Variants in JAKMIP3 observed in about 807,000 individuals in gnomAD.
The protein encoded by JAKMIP3 is Janus kinase and microtubule interacting protein 3.
JAKMIP3 carries 58 observed loss-of-function variants against 118.5 expected under a neutral mutation model. The observed-to-expected ratio is 0.49, with a 90% CI of 0.40 to 0.61. The LOEUF is 0.61. JAKMIP3 is among the 20% of genes least tolerant of loss of function. JAKMIP3 has a pLI of 0.00. For synonymous variants in JAKMIP3, 486 were observed against 451.2 expected, an observed-to-expected ratio of 1.08 and a Z score of -0.98; for missense variants, 950 against 1,109.0, an observed-to-expected ratio of 0.86 and a Z score of 2.04.
At chr10:132,156,534 G>A (rs1057369971) in intron 19 of JAKMIP3, among the ~76,000 whole-genome samples, 18 of 152,100 alleles carry the variant, frequency 1.2e-4, no homozygotes, top group South Asian at 2.1e-4. Flanking sequence ...TGCCTGGGGC[G>A]CCCTCCCTTT....
At chr10:132,108,727 G>GGAC (rs1407929725) in intron 2 of JAKMIP3, among the ~76,000 whole-genome samples, 2 of 151,900 alleles carry the variant, frequency 1.3e-5, no homozygotes, top group Non-Finnish European at 2.9e-5. Context: ...TCAATGCCAG[G>GGAC]TGCAGTGGTT....
At chr10:132,180,568 CGTGTGTGT>C (rs1211647270) in intron 23 of JAKMIP3, among the ~76,000 whole-genome samples, 6 of 22,314 alleles carry the variant, frequency 2.7e-4, no homozygotes, top group Admixed American at 2.1e-3. Context: ...CGTGTGTGTG[CGTGTGTGT>C]GTGCGTGCGC....
At chr10:132,046,777 G>A (rs2037930912) in intron 1 of JAKMIP3, among the ~76,000 whole-genome samples, 1 of 152,344 alleles carries the variant, frequency 6.6e-6, no homozygotes, top group South Asian at 2.1e-4. Context: ...AAGAAGCTGA[G>A]GCAAAATTAA....
chr10:132,057,507 C>T (rs1249931955), intron 1 of JAKMIP3, among the ~76,000 whole-genome samples: 4 of 152,184 alleles, frequency 2.6e-5, no homozygotes, highest in East Asian at 1.9e-4. Context: ...ACAGGACACA[C>T]GCTGCCCCGC....
intron 1 of JAKMIP3, among the ~76,000 whole-genome samples, chr10:132,070,208 C>T (rs758921505): frequency 3.3e-5 from 5 of 152,096 alleles, no homozygotes; most frequent in Admixed American, 1.3e-4. Flanking sequence ...GGTGCAGTGG[C>T]GCGTTCTTGG....
Position 132,104,798 on chromosome 10 carries a change from C to A in JAKMIP3, c.-11C>A, listed in dbSNP as rs1162588239. 6.5e-7 allele frequency: 1 copy of A among 1,549,162 alleles called. No individual in the cohort carries two copies. On this transcript the variant is annotated 5_prime_UTR_variant, in exon 2 of 24. Coordinates refer to ENST00000684848, the MANE Select transcript of JAKMIP3 (RefSeq NM_001323087.2). ...TACCCCTGGGCATCCCCCTGGCCAT[C>A]CAGCCTCACCATGTCCAAGAGGGGC...
intron 3 of JAKMIP3, among the ~76,000 whole-genome samples, chr10:132,124,255 C>T (rs571073073): frequency 7.2e-4 from 110 of 152,212 alleles, no homozygotes; most frequent in Admixed American, 2.5e-3. Flanking sequence ...GAGCCGGCCA[C>T]ATCACCTACA....
chr10:132,089,246 A>C (rs2042812099), intron 1 of JAKMIP3, among the ~76,000 whole-genome samples: 1 of 152,196 alleles, frequency 6.6e-6, no homozygotes, highest in Admixed American at 6.5e-5. Context: ...TCTGTGAAGA[A>C]AGTCATTGGT....
intron 1 of JAKMIP3, among the ~76,000 whole-genome samples, chr10:132,042,669 T>C (rs1000529490): frequency 6.6e-6 from 1 of 152,148 alleles, no homozygotes; most frequent in African/African-American, 2.4e-5. Context: ...AGCCAGGCCA[T>C]AGCATCCTGG....
At chr10:132,175,343 C>G (rs1326325255) in intron 23 of JAKMIP3, among the ~76,000 whole-genome samples, 8 of 152,170 alleles carry the variant, frequency 5.3e-5, no homozygotes, top group African/African-American at 1.9e-4. Flanking sequence ...CAAGAACATC[C>G]TTGTCTCCTT....
chr10:132,067,116 C>G (rs532896097), intron 1 of JAKMIP3, among the ~76,000 whole-genome samples: 1 of 152,018 alleles, frequency 6.6e-6, no homozygotes, highest in Admixed American at 6.6e-5. Context: ...TGAGCCGGGC[C>G]GAGGAAGGAC....
rs116138939 is a variant in JAKMIP3 at position 132,135,091 on chromosome 10, G to A, written c.900G>A (p.Ala300=). Residue 300 remains alanine, a synonymous_variant, in exon 5 of 24, where the codon GCG becomes GCA. Coordinates refer to ENST00000684848, the MANE Select transcript of JAKMIP3 (RefSeq NM_001323087.2). ...KDARRFQLKI[A]ELSAIIRKLE... The stretch of plus-strand genomic sequence containing the variant: ...CCCGGCGCTTCCAGCTTAAAATCGC[G>A]GAGTTAAGTGCGATTATCCGCAAAC... The A allele has an allele frequency of 1.1e-3, 1,823 of 1,613,534 alleles. 21 individuals are homozygous for A. The African/African-American group carries it at 0.02, about 18-fold the overall frequency.
At chr10:132,139,249 T>TGTGC (rs376837632) in intron 9 of JAKMIP3, among the ~76,000 whole-genome samples, 1 of 99,810 alleles carries the variant, frequency 1.0e-5, no homozygotes, top group Admixed American at 9.4e-5. Flanking sequence ...TCTGTGTGTG[T>TGTGC]ATGTGTGTGT....
At chr10:132,088,231 G>A (rs1589782284) in intron 1 of JAKMIP3, among the ~76,000 whole-genome samples, 1 of 152,272 alleles carries the variant, frequency 6.6e-6, no homozygotes, top group South Asian at 2.1e-4. Context: ...CCAGTAATGG[G>A]ATGGCTGGGT....
chr10:132,170,322 AAC>A (rs2059365943), intron 23 of JAKMIP3: 1 of 152,242 alleles, frequency 6.6e-6, no homozygotes, highest in South Asian at 2.1e-4. Flanking sequence ...ACAGCACAAC[AAC>A]ACACACGGCG....
intron 1 of JAKMIP3, among the ~76,000 whole-genome samples, chr10:132,078,925 C>T (rs959793076): frequency 3.3e-5 from 5 of 152,200 alleles, no homozygotes; most frequent in Non-Finnish European, 7.3e-5. Flanking sequence ...CTGCCCGTCA[C>T]GAGCCGGTGT....
chr10:132,044,726 G>A lies in JAKMIP3; in HGVS notation c.-138+7988G>A, dbSNP rs2037858080. On this transcript the variant is annotated intron_variant, in intron 1 of 23. Transcript: ENST00000657785. The surrounding 1 kb of genome is among the most constrained non-coding windows in gnomAD (Gnocchi z 5.3). ...CATCTGAACCATTTTTAGGTGTGCGGCTCAGAGTAGGGACAATCGCAGTGC... is the reference window on the plus strand; with the variant it reads ...CATCTGAACCATTTTTAGGTGTGCGACTCAGAGTAGGGACAATCGCAGTGC... 6.6e-6 allele frequency among the ~76,000 whole-genome samples: 1 copy of A among 152,104 alleles called. No homozygotes were observed. The highest frequency in any genetic ancestry group is 6.6e-5 in the Admixed American group (1 of 15,266).
intron 1 of JAKMIP3, among the ~76,000 whole-genome samples, chr10:132,069,187 G>A (rs1040639530): frequency 6.6e-6 from 1 of 152,108 alleles, no homozygotes; most frequent in Non-Finnish European, 1.5e-5. Flanking sequence ...GGTTGACCCA[G>A]GACTACTTTG....
intron 1 of JAKMIP3, among the ~76,000 whole-genome samples, chr10:132,058,662 C>CA (rs903862658): frequency 3.3e-5 from 5 of 152,286 alleles, no homozygotes; most frequent in African/African-American, 1.2e-4. Flanking sequence ...GTGTGAGGAT[C>CA]AAAAAAGTCA....
Sources: allele counts gnomAD v4.1 joint callset (sites outside exome capture counted in the v4.1 genomes callset), GRCh38; gene constraint gnomAD v4.1.1; non-coding constraint Gnocchi (gnomAD v3.1); transcripts MANE v1.5; gene names NCBI Gene and HGNC (gene_info 2026-07-23, HGNC 2026-07-21).